The following CDH13 variants were observed in gnomAD, a reference collection of about 807,000 sequenced individuals.
CDH13 encodes the protein cadherin 13.
In CDH13, 24 loss-of-function variants were observed where a neutral mutation model predicts 63.8. The observed-to-expected ratio is 0.38, with a 90% CI of 0.27 to 0.53. CDH13 has a LOEUF of 0.53. Ranked by LOEUF, CDH13 falls within the 20% of genes least tolerant of loss-of-function variation. The pLI is 0.85. For synonymous variants in CDH13, 503 were observed against 355.3 expected (o/e 1.42, Z -4.67); for missense variants, 1,049 against 903.1 (o/e 1.16, Z -2.07).
At chr16:83,065,200 T>A (rs1242799763) in intron 3 of CDH13, among the ~76,000 whole-genome samples, 2 of 152,174 alleles carry the variant, frequency 1.3e-5, no homozygotes, top group African/African-American at 4.8e-5. Context: ...GAAGAGATTC[T>A]AGAAGTTATC....
At chr16:83,625,177 T>TGTGTGTGTGCTCATGTGTGTGTGTGC (rs1910178454) in intron 8 of CDH13, among the ~76,000 whole-genome samples, 1 of 152,042 alleles carries the variant, frequency 6.6e-6, no homozygotes, top group East Asian at 1.9e-4. Flanking sequence ...TGCTCATGTG[T>TGTGTGTGTGCTCATGTGTGTGTGTGC]GTGTGTGTGC....
At chr16:83,356,094 C>G (rs1051252633) in intron 6 of CDH13, among the ~76,000 whole-genome samples, 1 of 152,156 alleles carries the variant, frequency 6.6e-6, no homozygotes, top group Non-Finnish European at 1.5e-5. Context: ...TCCCCATCCA[C>G]AACACCCACT....
intron 10 of CDH13, among the ~76,000 whole-genome samples, chr16:83,700,501 G>A (rs1476620506): frequency 6.6e-6 from 1 of 152,226 alleles, no homozygotes. Flanking sequence ...TGTTGTTAGG[G>A]ACAGAGTGGG....
intron 1 of CDH13, among the ~76,000 whole-genome samples, chr16:82,786,178 C>T (rs1053605111): frequency 2.0e-5 from 3 of 151,966 alleles, no homozygotes; most frequent in Non-Finnish European, 2.9e-5. Context: ...GGTTGCTTTA[C>T]GAGGAAGTTA....
In CDH13 at chr16:83,423,216, C is replaced by A. The variant is rs571959617; in HGVS notation, c.782-63261C>A. ...AGCACAGTTTAAGAATTGTGTAAGTCCTCAGTAGCCTCTAAAGTATTTCAG... is the reference window on the plus strand; with the variant it reads ...AGCACAGTTTAAGAATTGTGTAAGTACTCAGTAGCCTCTAAAGTATTTCAG... On this transcript the variant is annotated intron_variant, in intron 6 of 13. Transcript: ENST00000567109. Among the ~76,000 whole-genome samples the A allele has an allele frequency of 4.6e-5, 7 of 152,260 alleles. No homozygotes were observed. The South Asian group carries it at 1.5e-3, about 32-fold the overall frequency.
At chr16:83,529,487 G>T (rs760946153) in intron 7 of CDH13, among the ~76,000 whole-genome samples, 1 of 152,026 alleles carries the variant, frequency 6.6e-6, no homozygotes, top group Admixed American at 6.6e-5. Flanking sequence ...ATACTATATG[G>T]CTTTAAAAAA....
intron 1 of CDH13, among the ~76,000 whole-genome samples, chr16:82,681,262 G>A (rs567940832): frequency 3.3e-5 from 5 of 152,310 alleles, no homozygotes; most frequent in African/African-American, 9.6e-5. Context: ...ACCCCATACC[G>A]TGTGGTTCCA....
intron 2 of CDH13, among the ~76,000 whole-genome samples, chr16:82,887,057 C>T (rs1360296190): frequency 6.6e-6 from 1 of 152,122 alleles, no homozygotes; most frequent in Non-Finnish European, 1.5e-5. Flanking sequence ...AGGTTTCTCA[C>T]CCTAGAAGCC....
At chr16:82,786,003 C>T (rs930907806) in intron 1 of CDH13, among the ~76,000 whole-genome samples, 1 of 152,092 alleles carries the variant, frequency 6.6e-6, no homozygotes, top group Non-Finnish European at 1.5e-5. Context: ...TAAACTAATT[C>T]CGACTGGCAA....
chr16:82,859,085 C>G (rs891235637), intron 2 of CDH13: 1 of 152,212 alleles, frequency 6.6e-6, no homozygotes, highest in African/African-American at 2.4e-5. Flanking sequence ...TTTTTAATGT[C>G]AATATTATAT....
intron 4 of CDH13, among the ~76,000 whole-genome samples, chr16:83,184,769 G>A (rs1465451396): frequency 6.6e-6 from 1 of 152,040 alleles, no homozygotes; most frequent in Admixed American, 6.5e-5. Flanking sequence ...AAGCAAAGAT[G>A]TGAGTCCAGG....
At chr16:83,203,050 A>AC (rs199839281) in intron 4 of CDH13, among the ~76,000 whole-genome samples, 5,535 of 151,948 alleles carry the variant, frequency 0.036, 188 homozygotes, top group African/African-American at 0.089. Flanking sequence ...CCATGGAGAA[A>AC]CCCATCTCTA....
Position 83,094,430 on chromosome 16 carries a change from C to A in CDH13, c.367-30955C>A, listed in dbSNP as rs1301336563. On this transcript the variant is annotated intron_variant, in intron 3 of 13. Coordinates refer to ENST00000567109, the MANE Select transcript of CDH13 (RefSeq NM_001257.5). ...GGTACGCTTACAACAGAGATCTCAA[C>A]TGACCCTGCAGAGAGCTTTAAGATG... Among the ~76,000 whole-genome samples, 3 of 152,314 alleles carry A rather than the reference C, an allele frequency of 2.0e-5. No homozygotes were observed. In the East Asian group the frequency reaches 5.8e-4, roughly 29 times the overall value.
At chr16:83,212,401 C>T (rs974837021) in intron 4 of CDH13, among the ~76,000 whole-genome samples, 1 of 152,138 alleles carries the variant, frequency 6.6e-6, no homozygotes, top group Non-Finnish European at 1.5e-5. Flanking sequence ...ACTGAGCTTT[C>T]CCCTGAAGAG....
intron 8 of CDH13, among the ~76,000 whole-genome samples, chr16:83,663,138 A>G (rs1234688988): frequency 1.3e-5 from 2 of 152,084 alleles, no homozygotes; most frequent in African/African-American, 4.8e-5. Context: ...AAATAATCCC[A>G]TTTTTCATGA....
intron 2 of CDH13, among the ~76,000 whole-genome samples, chr16:82,910,506 A>T (rs1030635308): frequency 6.6e-6 from 1 of 152,124 alleles, no homozygotes; most frequent in Non-Finnish European, 1.5e-5. Flanking sequence ...TCTTCCCCAG[A>T]CAAACCTTGA....
intron 1 of CDH13, among the ~76,000 whole-genome samples, chr16:82,852,780 C>A (rs938924448): frequency 2.0e-5 from 3 of 152,182 alleles, no homozygotes; most frequent in Non-Finnish European, 4.4e-5. Context: ...TGGAGAGGGG[C>A]ACTCTACATA....
chr16:83,076,959 A>C (rs776291121), intron 3 of CDH13, among the ~76,000 whole-genome samples: 3 of 152,032 alleles, frequency 2.0e-5, no homozygotes, highest in Non-Finnish European at 4.4e-5. Context: ...TGTGCAACCC[A>C]AACCCCCATC....
intron 2 of CDH13, among the ~76,000 whole-genome samples, chr16:82,999,436 C>T (rs145069173): frequency 6.6e-6 from 1 of 150,488 alleles, no homozygotes. Flanking sequence ...ATATCATAAC[C>T]ACATAACACA....
Sources: gnomAD v4.1 joint callset for allele counts (sites outside exome capture counted in the v4.1 genomes callset) on GRCh38, gnomAD v4.1.1 for gene constraint, MANE v1.5 for transcripts, NCBI Gene and HGNC (gene_info 2026-07-23, HGNC 2026-07-21) for gene names.